Variants in MYMK observed in about 807,000 individuals in gnomAD.
The protein encoded by MYMK is protein myomaker.
MYMK carries 16 observed loss-of-function variants against 22.4 expected under a neutral mutation model. That is an observed-to-expected ratio of 0.72 (90% CI 0.48 to 1.09). The LOEUF is 1.09. MYMK is among the 50% of genes least tolerant of loss of function. The pLI is 0.00. For synonymous variants in MYMK, 125 were observed against 127.0 expected, an observed-to-expected ratio of 0.98 and a Z score of 0.11; for missense variants, 250 against 295.6, an observed-to-expected ratio of 0.85 and a Z score of 1.13.
chr9:133,516,476 G>A (rs541742895), intron 3 of MYMK, among the ~76,000 whole-genome samples: 19 of 152,334 alleles, frequency 1.2e-4, no homozygotes, highest in African/African-American at 2.4e-4. Context: ...GACACACAGC[G>A]TGTGGCACAA....
rs757180495 is a variant in MYMK, at chr9:133,515,550, G to A, written c.457C>T (p.Gln153Ter). 29 of 1,614,018 alleles carry A rather than the reference G, an allele frequency of 1.8e-5. No individual in the cohort carries two copies. The highest frequency in any genetic ancestry group is 2.3e-5 in the Non-Finnish European group (27 of 1,179,960). ...CCGAAGCAGAGGCCGGGGCCTATCT[G>A]CTGGGTGTAGACGCTCTTGTCTGGG... ...LYPDKSVYTQ[Q>*]IGPGLCFGAL... Residue 153 changes from glutamine to a stop codon, truncating the protein, a stop_gained, in exon 4 of 5, where the codon CAG becomes TAG. Coordinates refer to ENST00000339996, the MANE Select transcript of MYMK (RefSeq NM_001080483.3). LOFTEE classifies it high-confidence loss of function. This position sits in a 1 kb window ranked among gnomAD's most constrained non-coding sequence, Gnocchi z 5.8.
In MYMK at chr9:133,517,558, C is replaced by T. The variant is rs535653022; in HGVS notation, c.399+1316G>A. Among the ~76,000 whole-genome samples, 47 of 151,870 alleles carry T rather than the reference C, an allele frequency of 3.1e-4. 1 individual carries two copies. Among genetic ancestry groups the T allele is most frequent in the South Asian group, 2.7e-3 (13 of 4,802 alleles). On this transcript the variant is annotated intron_variant, in intron 3 of 4. Transcript: ENST00000339996. ...GCATGCGCCTATAATCCCAGCTACT[C>T]GGGAGGCTGAGACAGGAGAATCGCT... is the stretch of plus-strand genomic sequence containing the variant.
intron 2 of MYMK, 53 bp downstream of exon 2, chr9:133,520,121 C>G: frequency 6.9e-7 from 1 of 1,451,406 alleles, no homozygotes; most frequent in Non-Finnish European, 9.7e-7. Context: ...TGTGCGGACA[C>G]TGGGGAGCCG....
rs760336471 is a variant in MYMK at position 133,520,171 on chromosome 9, C to T, written c.250+3G>A. The stretch of plus-strand genomic sequence containing the variant: ...GGCTTGTCTGCAGGGGTTGACCACT[C>T]ACCCATCAGCGAGACCCACATGCTC... On this transcript the variant is annotated splice_donor_region_variant and intron_variant, in intron 2 of 4. Coordinates refer to ENST00000339996, the MANE Select transcript of MYMK (RefSeq NM_001080483.3). 9 of 1,611,266 alleles carry T rather than the reference C, an allele frequency of 5.6e-6. No homozygotes were observed. Among genetic ancestry groups the T allele is most frequent in the Non-Finnish European group, 6.8e-6 (8 of 1,177,588 alleles).
At chr9:133,520,618 G>A (rs1348551256) in intron 1 of MYMK, among the ~76,000 whole-genome samples, 4 of 152,158 alleles carry the variant, frequency 2.6e-5, no homozygotes, top group Non-Finnish European at 4.4e-5. Flanking sequence ...GGTGAAGCCC[G>A]CTTAGGTGGG....
intron 2 of MYMK, 34 bp downstream of exon 2, chr9:133,520,140 C>T: frequency 1.3e-6 from 2 of 1,577,856 alleles, no homozygotes; most frequent in East Asian, 2.2e-5. Flanking sequence ...CGGTCCTTGT[C>T]CGCAAGGCTT....
At chr9:133,520,962 T>C (rs1333088594) in intron 1 of MYMK, among the ~76,000 whole-genome samples, 4 of 152,184 alleles carry the variant, frequency 2.6e-5, no homozygotes, top group Admixed American at 6.5e-5. Context: ...ACATTCCCTG[T>C]GGCACTGCTG....
At chr9:133,520,093 G>T in intron 2 of MYMK, 81 bp downstream of exon 2, 1 of 1,051,180 alleles carries the variant, frequency 9.5e-7, no homozygotes, top group Non-Finnish European at 1.5e-6. Context: ...GCTGCAGCGG[G>T]ACTGGTTTGA....
rs73553561 is a variant in MYMK at position 133,524,629 on chromosome 9, A to C, written c.135+81T>G. ...ATCACTTCTGCTCATCACCCAATAC[A>C]AGAACGCTGTGGACAGAGAGCCTCT... is the stretch of plus-strand genomic sequence containing the variant. On this transcript the variant is annotated intron_variant, in intron 1 of 4. Transcript: ENST00000339996. 122,482 of 1,602,844 alleles carry C rather than the reference A, an allele frequency of 0.076. 5,297 individuals carry two copies. Among genetic ancestry groups the C allele is most frequent in the African/African-American group, 0.12 (9,088 of 74,620 alleles).
At chr9:133,514,900 C>T (rs1293660415) in intron 4 of MYMK, 115 bp from the exon 5 acceptor site, 1 of 1,182,438 alleles carries the variant, frequency 8.5e-7, no homozygotes, top group East Asian at 2.5e-5. Flanking sequence ...ACTGGGACAC[C>T]TGCAGGAAGC....
intron 3 of MYMK, among the ~76,000 whole-genome samples, chr9:133,516,614 G>A (rs1266304516): frequency 3.9e-5 from 6 of 152,298 alleles, no homozygotes; most frequent in African/African-American, 1.2e-4. Flanking sequence ...ATTGATGCCC[G>A]GCTTTCCATT....
At chr9:133,518,330 C>A in intron 3 of MYMK, among the ~76,000 whole-genome samples, 1 of 152,186 alleles carries the variant, frequency 6.6e-6, no homozygotes, top group African/African-American at 2.4e-5. Context: ...CTGGCCCAGG[C>A]TGCCTCACTG....
intron 1 of MYMK, among the ~76,000 whole-genome samples, chr9:133,522,503 A>C (rs1441045787): frequency 6.6e-6 from 1 of 151,894 alleles, no homozygotes; most frequent in African/African-American, 2.4e-5. Flanking sequence ...GGAGGGACTG[A>C]GTGTGGCTTT....
At chr9:133,524,640 G>A (rs1844738178) in intron 1 of MYMK, 70 bp downstream of exon 1, 2 of 1,608,674 alleles carry the variant, frequency 1.2e-6, no homozygotes, top group Non-Finnish European at 1.7e-6. Flanking sequence ...AGAACGCTGT[G>A]GACAGAGAGC....
Position 133,515,406 on chromosome 9 carries a change from TG to T in MYMK, c.516+84del. On this transcript the variant is annotated intron_variant, in intron 4 of 4. Transcript: ENST00000339996. The surrounding 1 kb of genome is among the most constrained non-coding windows in gnomAD (Gnocchi z 5.8). ...TGGGGCTGTCAGAGTCCCCCCAGCGTGGGCACAGCCCTGGTATCCCAGCTGA... is the reference window on the plus strand; with the variant it reads ...TGGGGCTGTCAGAGTCCCCCCAGCGTGGCACAGCCCTGGTATCCCAGCTGA... The T allele has an allele frequency of 2.1e-6, 2 of 931,442 alleles. No homozygotes were observed. The highest frequency in any genetic ancestry group is 3.4e-6 in the Non-Finnish European group (2 of 584,522). The allele number at this position is 931,442 out of a possible 1,614,324, so 57.7% of individuals were successfully genotyped here. A position where few individuals can be genotyped will look rare whatever the true frequency, so the allele number is the denominator to read the frequency against.
chr9:133,516,037 C>A (rs899543978), intron 3 of MYMK, among the ~76,000 whole-genome samples: 1 of 152,202 alleles, frequency 6.6e-6, no homozygotes, highest in African/African-American at 2.4e-5. Context: ...TTGTGGTGAT[C>A]CCTGAGCCAT....
Position 133,515,457 on chromosome 9 carries a change from G to A in MYMK, c.516+34C>T, listed in dbSNP as rs890585022. 13 of 1,434,014 alleles carry A rather than the reference G, an allele frequency of 9.1e-6. No homozygotes were observed. Among genetic ancestry groups the A allele is most frequent in the Non-Finnish European group, 1.3e-5 (13 of 1,018,344 alleles). 88.8% of individuals were successfully genotyped at this position (1,434,014 alleles called of 1,614,324 possible). A position where few individuals can be genotyped will look rare whatever the true frequency, so the allele number is the denominator to read the frequency against. On this transcript the variant is annotated intron_variant, in intron 4 of 4. Transcript: ENST00000339996. The surrounding 1 kb of genome is among the most constrained non-coding windows in gnomAD (Gnocchi z 5.8). ...AGCAGAGCCATGCCGAGTGGGCTCT[G>A]GGGCACAGGACACCTCCCCGCTGGG...
chr9:133,524,955 C>T lies in MYMK; in HGVS notation c.-111G>A. The T allele has an allele frequency of 2.3e-6, 3 of 1,316,558 alleles. No individual in the cohort carries two copies. Among genetic ancestry groups the T allele is most frequent in the Non-Finnish European group, 3.1e-6 (3 of 968,024 alleles). 81.6% of individuals were successfully genotyped at this position (1,316,558 alleles called of 1,614,324 possible). Reference sequence around the variant, plus strand: ...CTCCCTTTGGGCAGGGCTCTGATGGCAGCTGCGGGGAGCACCCACAAGAGG... The same window carrying T: ...CTCCCTTTGGGCAGGGCTCTGATGGTAGCTGCGGGGAGCACCCACAAGAGG... On this transcript the variant is annotated 5_prime_UTR_variant, in exon 1 of 5. Coordinates refer to ENST00000339996, the MANE Select transcript of MYMK (RefSeq NM_001080483.3).
intron 3 of MYMK, among the ~76,000 whole-genome samples, chr9:133,516,685 C>T (rs1215004665): frequency 6.6e-6 from 1 of 152,208 alleles, no homozygotes; most frequent in Non-Finnish European, 1.5e-5. Flanking sequence ...GGCCTGAAGA[C>T]AGCTGGACCG....
Sources: allele counts gnomAD v4.1 joint callset (sites outside exome capture counted in the v4.1 genomes callset), GRCh38; gene constraint gnomAD v4.1.1; non-coding constraint Gnocchi (gnomAD v3.1); transcripts MANE v1.5; gene names NCBI Gene and HGNC (gene_info 2026-07-23, HGNC 2026-07-21).